TRDN: variants seen among roughly 807,000 people sequenced by gnomAD.
TRDN encodes triadin, also known as triadin in skeletal muscle.
TRDN carries 161 observed loss-of-function variants against 149.7 expected under a neutral mutation model. That is an observed-to-expected ratio of 1.08 (90% confidence interval 0.95 to 1.23). TRDN has a LOEUF of 1.23. Ranked by LOEUF, TRDN falls within the 50% of genes most tolerant of loss-of-function variation. The pLI is 0.00. For missense variants in TRDN, 896 were observed against 823.5 expected (o/e 1.09, Z -1.08); for synonymous variants, 294 against 250.5 (o/e 1.17, Z -1.64).
At chr6:123,393,743 G>C (rs184449596) in intron 12 of TRDN, 66 bp from the exon 13 acceptor site, 1 of 1,425,586 alleles carries the variant, frequency 7.0e-7, no homozygotes, top group African/African-American at 1.4e-5. Flanking sequence ...AATAAAAAAG[G>C]GACAGGGGAG....
chr6:123,288,143 A>G (rs1179838190), intron 24 of TRDN, among the ~76,000 whole-genome samples: 1 of 152,138 alleles, frequency 6.6e-6, no homozygotes, highest in African/African-American at 2.4e-5. Flanking sequence ...CAATAGGAAA[A>G]GAACAATCTC....
rs1775150475 is a variant in TRDN, at chr6:123,221,614, C to T, written c.2015-92G>A. Reference sequence around the variant, plus strand: ...GACTGAGAATGTCTAAACAGAAGCACACTATGAAAGAAACAGGAGTTACCC... The same window carrying T: ...GACTGAGAATGTCTAAACAGAAGCATACTATGAAAGAAACAGGAGTTACCC... On this transcript the variant is annotated intron_variant, in intron 39 of 40. Transcript: ENST00000334268. 1.8e-5 allele frequency: 14 copies of T among 780,534 alleles called. No individual in the cohort carries two copies. In the South Asian group the frequency reaches 2.3e-4, roughly 13 times the overall value. The allele number at this position is 780,534 out of a possible 1,614,324, so 48.4% of individuals were successfully genotyped here.
chr6:123,505,540 A>T (rs1020849055), intron 7 of TRDN, among the ~76,000 whole-genome samples: 1 of 152,174 alleles, frequency 6.6e-6, no homozygotes, highest in Non-Finnish European at 1.5e-5. Context: ...TCTCATGGCC[A>T]AATTCATTTG....
intron 27 of TRDN, 60 bp from the exon 28 acceptor site, chr6:123,273,423 A>G (rs1777271356): frequency 1.3e-6 from 1 of 780,088 alleles, no homozygotes; most frequent in East Asian, 7.5e-5. Flanking sequence ...ATTTAACAAT[A>G]ACAAATACAA....
At chr6:123,346,237 A>G (rs1279109350) in intron 21 of TRDN, among the ~76,000 whole-genome samples, 1 of 152,026 alleles carries the variant, frequency 6.6e-6, no homozygotes, top group African/African-American at 2.4e-5. Context: ...TTAACCATCA[A>G]TGGGTGTTAG....
chr6:123,392,432 A>C (rs1772526724), intron 13 of TRDN, among the ~76,000 whole-genome samples: 1 of 152,052 alleles, frequency 6.6e-6, no homozygotes, highest in Non-Finnish European at 1.5e-5. Context: ...GAATGAGCCT[A>C]AGGTGATTGT....
chr6:123,232,961 T>C (rs1274572557), intron 38 of TRDN, among the ~76,000 whole-genome samples: 1 of 152,076 alleles, frequency 6.6e-6, no homozygotes, highest in Non-Finnish European at 1.5e-5. Context: ...TTTTGATTTG[T>C]GCAGTTTCAA....
chr6:123,273,969 A>G (rs922902505), intron 27 of TRDN, among the ~76,000 whole-genome samples: 2 of 152,068 alleles, frequency 1.3e-5, no homozygotes, highest in Non-Finnish European at 2.9e-5. Flanking sequence ...AAATGATAGC[A>G]TTTTAGGGAC....
chr6:123,527,606 T>G (rs1363760875), intron 5 of TRDN, among the ~76,000 whole-genome samples: 1 of 151,942 alleles, frequency 6.6e-6, no homozygotes, highest in Non-Finnish European at 1.5e-5. Flanking sequence ...TGTGGTTAAC[T>G]CATTCTGCCT....
At chr6:123,437,954 G>C (rs1774665047) in intron 12 of TRDN, 109 bp downstream of exon 12, 1 of 937,894 alleles carries the variant, frequency 1.1e-6, no homozygotes, top group Admixed American at 2.5e-5. Context: ...TTCACGTCTT[G>C]GGTAGATATA....
chr6:123,491,893 T>C (rs1030882070), intron 9 of TRDN, among the ~76,000 whole-genome samples: 1 of 152,190 alleles, frequency 6.6e-6, no homozygotes, highest in African/African-American at 2.4e-5. Flanking sequence ...TCTTGTCTAA[T>C]ACAAGCAGTG....
At chr6:123,422,091 G>A (rs557756594) in intron 12 of TRDN, among the ~76,000 whole-genome samples, 1 of 152,100 alleles carries the variant, frequency 6.6e-6, no homozygotes. Context: ...ATTATATATT[G>A]TAGGTAATCT....
chr6:123,372,389 G>A (rs2114382809), intron 19 of TRDN, among the ~76,000 whole-genome samples: 1 of 152,160 alleles, frequency 6.6e-6, no homozygotes, highest in South Asian at 2.1e-4. Flanking sequence ...AGGCTCGGTG[G>A]CTGAACATAA....
intron 9 of TRDN, among the ~76,000 whole-genome samples, chr6:123,465,596 AAAAAAAAAG>A (rs1334025656): frequency 6.7e-4 from 100 of 149,788 alleles, no homozygotes; most frequent in Non-Finnish European, 1.3e-3. Context: ...AAAAAAAAAA[AAAAAAAAAG>A]AGAGAGAGAG....
intron 1 of TRDN, among the ~76,000 whole-genome samples, chr6:123,614,312 A>C (rs957305591): frequency 1.4e-5 from 2 of 145,986 alleles, no homozygotes; most frequent in South Asian, 2.1e-4. Flanking sequence ...AAAAAAAAAA[A>C]AACAAAAAAA....
chr6:123,508,108 A>G (rs891299015), intron 7 of TRDN, among the ~76,000 whole-genome samples: 32 of 152,204 alleles, frequency 2.1e-4, no homozygotes, highest in African/African-American at 7.7e-4. Context: ...CATTTCTAAT[A>G]TTATATCTGC....
chr6:123,346,683 C>T (rs1419649166), intron 21 of TRDN, among the ~76,000 whole-genome samples: 1 of 151,882 alleles, frequency 6.6e-6, no homozygotes, highest in African/African-American at 2.4e-5. Context: ...AAAAGGAGGA[C>T]ACAAGTTTGT....
At chr6:123,548,056 A>C (rs2114434366) in intron 3 of TRDN, among the ~76,000 whole-genome samples, 1 of 152,088 alleles carries the variant, frequency 6.6e-6, no homozygotes, top group Middle Eastern at 3.4e-3. Context: ...TGTATAAAAC[A>C]CTTATATGTA....
chr6:123,284,004 G>GATATATATATATATATATATATATA (rs1777707531), intron 24 of TRDN, among the ~76,000 whole-genome samples: 1 of 58,848 alleles, frequency 1.7e-5, no homozygotes, highest in Non-Finnish European at 2.8e-5. Context: ...ATATATATAT[G>GATATATATATATATATATATATATA]TAACAAACCT....
Sources: gnomAD v4.1 joint callset for allele counts (sites outside exome capture counted in the v4.1 genomes callset) on GRCh38, gnomAD v4.1.1 for gene constraint, MANE v1.5 for transcripts, NCBI Gene and HGNC (gene_info 2026-07-23, HGNC 2026-07-21) for gene names.